Variants in OSBPL11 observed in about 807,000 individuals in gnomAD.
OSBPL11 encodes the protein oxysterol binding protein like 11.
In OSBPL11, 33 loss-of-function variants were observed where a neutral mutation model predicts 84.4. The ratio of observed to expected loss-of-function variants is 0.39; its 90% CI spans 0.30 to 0.52. The LOEUF is 0.52. OSBPL11 is among the 20% of genes least tolerant of loss of function. The probability of loss-of-function intolerance (pLI) is 0.72; values close to 1 mark genes in which losing one functional copy is unlikely to be tolerated. For synonymous variants in OSBPL11, 276 were observed against 310.2 expected, an observed-to-expected ratio of 0.89 and a Z score of 1.16; for missense variants, 736 against 901.1, an observed-to-expected ratio of 0.82 and a Z score of 2.35.
intron 2 of OSBPL11, among the ~76,000 whole-genome samples, chr3:125,580,289 C>T (rs1407589736): frequency 2.6e-5 from 4 of 151,976 alleles, no homozygotes; most frequent in East Asian, 1.9e-4. Context: ...CAGAGGCGAG[C>T]GGATCACCTG....
In OSBPL11 at chr3:125,567,376, C is replaced by A. The variant is rs759457019; in HGVS notation, c.868+18G>T. ...GTTGGCCTTCATTGTGAAGCCCTACCTTTAATCGACAACTTACCTGAAGGC... is the reference window on the plus strand; with the variant it reads ...GTTGGCCTTCATTGTGAAGCCCTACATTTAATCGACAACTTACCTGAAGGC... On this transcript the variant is annotated intron_variant, in intron 6 of 12. Transcript: ENST00000296220. 2 of 1,595,634 alleles carry A rather than the reference C, an allele frequency of 1.3e-6. No homozygotes were observed. Among genetic ancestry groups the A allele is most frequent in the Admixed American group, 3.3e-5 (2 of 59,932 alleles).
chr3:125,554,341 C>T (rs554125513), intron 8 of OSBPL11, among the ~76,000 whole-genome samples: 33 of 152,226 alleles, frequency 2.2e-4, no homozygotes, highest in Non-Finnish European at 4.7e-4. Context: ...TCCTTTTTAA[C>T]TCCTTTTGGA....
intron 10 of OSBPL11, among the ~76,000 whole-genome samples, chr3:125,544,047 G>C (rs573457217): frequency 9.9e-5 from 15 of 151,482 alleles, no homozygotes; most frequent in Middle Eastern, 3.4e-3. Context: ...CATTGCTTTT[G>C]ATGAGCATCC....
chr3:125,542,763 G>A (rs1443468256), intron 10 of OSBPL11, among the ~76,000 whole-genome samples: 2 of 152,072 alleles, frequency 1.3e-5, no homozygotes, highest in Non-Finnish European at 2.9e-5. Context: ...ACCCGCCTCG[G>A]CCTGACAAAG....
rs1936482900 is a variant in OSBPL11 at position 125,584,854 on chromosome 3, T to G, written c.165-1876A>C. Among the ~76,000 whole-genome samples the G allele has an allele frequency of 3.3e-5, 5 of 152,326 alleles. No individual in the cohort carries two copies. The South Asian group carries it at 1.0e-3, about 32-fold the overall frequency. On this transcript the variant is annotated intron_variant, in intron 1 of 12. Coordinates refer to ENST00000296220, the MANE Select transcript of OSBPL11 (RefSeq NM_022776.5). ...CCCATTTTGGTCATATCTAATTATC[T>G]ATATCACTCATTTAACAGCTCAAGT... is the stretch of plus-strand genomic sequence containing the variant.
At chr3:125,567,671 T>A in intron 5 of OSBPL11, 76 bp from the exon 6 acceptor site, 2 of 1,244,224 alleles carry the variant, frequency 1.6e-6, no homozygotes, top group Non-Finnish European at 2.3e-6. Flanking sequence ...CCATTTTAAT[T>A]ACCAGATTCA....
rs368143362 is a variant in OSBPL11, at chr3:125,529,460, A to T, written c.*1055T>A. 1.4e-5 allele frequency: 1 copy of T among 70,896 alleles called. No individual in the cohort carries two copies. The highest frequency in any genetic ancestry group is 1.2e-4 in the Admixed American group (1 of 8,172). The allele number at this position is 70,896 out of a possible 1,614,324, so 4.4% of individuals were successfully genotyped here. On this transcript the variant is annotated 3_prime_UTR_variant, in exon 13 of 13. Transcript: ENST00000296220. ...ATTTAAATTTCCTCAAAAAAAAAAA[A>T]AATAAATAAAACCATACCTTACATG...
intron 2 of OSBPL11, 45 bp from the exon 3 acceptor site, chr3:125,580,085 C>T (rs745358263): frequency 3.0e-5 from 47 of 1,544,202 alleles, no homozygotes; most frequent in Non-Finnish European, 4.0e-5. Flanking sequence ...CATTTTCCCT[C>T]AGCAAACTAA....
intron 11 of OSBPL11, among the ~76,000 whole-genome samples, chr3:125,534,951 G>GAAAAAAAAAAAAAAAA (rs56164804): frequency 1.5e-4 from 10 of 64,642 alleles, no homozygotes; most frequent in East Asian, 4.5e-4. Flanking sequence ...TAAGAAATTA[G>GAAAAAAAAAAAAAAAA]AAAAAAAAAA....
chr3:125,551,189 A>T (rs1935902015), intron 9 of OSBPL11, among the ~76,000 whole-genome samples: 1 of 146,276 alleles, frequency 6.8e-6, no homozygotes, highest in Non-Finnish European at 1.5e-5. Context: ...AAAAAAATTA[A>T]ATTAAATTAA....
chr3:125,590,413 G>A (rs1199131956), intron 1 of OSBPL11, among the ~76,000 whole-genome samples: 2 of 152,116 alleles, frequency 1.3e-5, no homozygotes, highest in Non-Finnish European at 2.9e-5. Flanking sequence ...AGCCGGGTGT[G>A]GTGGCAAGTG....
Position 125,580,008 on chromosome 3 carries a change from A to G in OSBPL11, c.266T>C (p.Leu89Ser), listed in dbSNP as rs1936396094. 6.2e-7 allele frequency: 1 copy of G among 1,613,514 alleles called. No homozygotes were observed. The highest frequency in any genetic ancestry group is 8.5e-7 in the Non-Finnish European group (1 of 1,179,876). ...AGACTGTTCATTCACAAAGTACTCC[A>G]ACAGCCCAGCTTCATTGTTTAAAAC... is the stretch of plus-strand genomic sequence containing the variant. The part of the protein sequence containing the change: ...FFVLNNEAGL[L>S]EYFVNEQSRN... The change falls in exon 3 of 13, where the codon TTG (leucine) becomes TCG (serine). Residue 89 changes from leucine to serine, a missense_variant. Around this residue, in one of 3 missense-constraint regions of OSBPL11, gnomAD observed 43 missense variants for 78.7 expected, o/e 0.55. Transcript: ENST00000296220.
intron 2 of OSBPL11, among the ~76,000 whole-genome samples, chr3:125,581,695 C>CAA (rs1189619626): frequency 0.013 from 802 of 63,350 alleles, 30 homozygotes; most frequent in African/African-American, 0.034. Context: ...GACTCCATCT[C>CAA]AAAAAAAAAA....
In OSBPL11 at chr3:125,538,637, G is replaced by C. The variant is rs936245535; in HGVS notation, c.1842-4C>G. On this transcript the variant is annotated splice_polypyrimidine_tract_variant and splice_region_variant and intron_variant, in intron 10 of 12. Transcript: ENST00000296220. ...GTGCTTTACTTCAGCTGTAACCCTAGAAGCAGACAGAAAAGAAAGATATGC... is the reference window on the plus strand; with the variant it reads ...GTGCTTTACTTCAGCTGTAACCCTACAAGCAGACAGAAAAGAAAGATATGC... 8 of 1,594,516 alleles carry C rather than the reference G, an allele frequency of 5.0e-6. No individual in the cohort carries two copies. The African/African-American group carries it at 9.4e-5, about 19-fold the overall frequency.
chr3:125,539,300 CATATATATATATATAT>C lies in OSBPL11; in HGVS notation c.1842-683_1842-668del, dbSNP rs10678056. Reference sequence around the variant, plus strand: ...AAGTTTAATGAAGAGTCACCACAGCCATATATATATATATATATATATATATATATATATATATATA... The same window carrying C: ...AAGTTTAATGAAGAGTCACCACAGCCATATATATATATATATATATATATA... On this transcript the variant is annotated intron_variant, in intron 10 of 12. Coordinates refer to ENST00000296220, the MANE Select transcript of OSBPL11 (RefSeq NM_022776.5). Among the ~76,000 whole-genome samples, 134 of 67,840 alleles carry C rather than the reference CATATATATATATATAT, an allele frequency of 2.0e-3. 1 individual carries two copies. Among genetic ancestry groups the C allele is most frequent in the African/African-American group, 4.3e-3 (96 of 22,088 alleles). 44.5% of individuals were successfully genotyped at this position (67,840 alleles called of 152,430 possible).
intron 10 of OSBPL11, among the ~76,000 whole-genome samples, chr3:125,539,578 T>C (rs998647386): frequency 6.6e-6 from 1 of 151,572 alleles, no homozygotes; most frequent in Non-Finnish European, 1.5e-5. Context: ...GTAGCTGGAG[T>C]AGCTGGGATT....
rs73862121 is a variant in OSBPL11 at position 125,592,554 on chromosome 3, T to C, written c.164+2083A>G. ...ATGTTTATTAAATAAAGAACTAATA[T>C]AAATTTCTCTGGAATTATAGTCAAG... On this transcript the variant is annotated intron_variant, in intron 1 of 12. Coordinates refer to ENST00000296220, the MANE Select transcript of OSBPL11 (RefSeq NM_022776.5). 6.5e-3 allele frequency among the ~76,000 whole-genome samples: 985 copies of C among 152,208 alleles called. 9 individuals carry two copies. Among genetic ancestry groups the C allele is most frequent in the African/African-American group, 0.022 (904 of 41,550 alleles).
intron 8 of OSBPL11, among the ~76,000 whole-genome samples, chr3:125,558,320 G>C (rs1936022865): frequency 6.6e-6 from 1 of 152,140 alleles, no homozygotes; most frequent in Non-Finnish European, 1.5e-5. Flanking sequence ...CCCTTCAGAA[G>C]ACTATTCATT....
At chr3:125,554,999 T>C (rs1160576761) in intron 8 of OSBPL11, among the ~76,000 whole-genome samples, 1 of 150,896 alleles carries the variant, frequency 6.6e-6, no homozygotes, top group Non-Finnish European at 1.5e-5. Flanking sequence ...TGTTCTTGGG[T>C]GCGTCTGAGG....
Sources: gnomAD v4.1 joint callset for allele counts (sites outside exome capture counted in the v4.1 genomes callset) on GRCh38, gnomAD v4.1.1 for gene constraint, gnomAD v4.1.1 regional missense constraint, MANE v1.5 for transcripts, NCBI Gene and HGNC (gene_info 2026-07-23, HGNC 2026-07-21) for gene names.